Variants in PPP3R1 observed in about 807,000 individuals in gnomAD.
PPP3R1 encodes the protein calcineurin subunit B type 1.
PPP3R1 carries 5 observed loss-of-function variants against 22.6 expected under a neutral mutation model. The observed-to-expected ratio is 0.22, with a 90% confidence interval of 0.12 to 0.46. The LOEUF (loss-of-function observed/expected upper bound fraction) is 0.46. Among genes scored for constraint, PPP3R1 ranks in the 20% least tolerant of loss-of-function variants. The pLI is 0.99. For synonymous variants in PPP3R1, 56 were observed against 65.2 expected, an observed-to-expected ratio of 0.86 and a Z score of 0.68; for missense variants, 61 against 203.2, an observed-to-expected ratio of 0.30 and a Z score of 4.25.
chr2:68,251,868 C>T (rs1670366479), intron 1 of PPP3R1, among the ~76,000 whole-genome samples: 2 of 109,760 alleles, frequency 1.8e-5, no homozygotes, highest in South Asian at 3.1e-4. Flanking sequence ...GGGGCGACGG[C>T]GGGGCGGCGG....
chr2:68,247,371 T>C (rs1438238701), intron 1 of PPP3R1, among the ~76,000 whole-genome samples: 2 of 152,244 alleles, frequency 1.3e-5, no homozygotes, highest in African/African-American at 2.4e-5. Context: ...TCCCAAATGA[T>C]ACTGATGCTG....
chr2:68,198,345 G>GTATACA, intron 2 of PPP3R1, among the ~76,000 whole-genome samples: 1 of 56,758 alleles, frequency 1.8e-5, no homozygotes, highest in Non-Finnish European at 3.3e-5. Context: ...ATATGTACAT[G>GTATACA]TATATGCATA....
At chr2:68,196,524 G>T (rs1674777276) in intron 2 of PPP3R1, among the ~76,000 whole-genome samples, 1 of 152,118 alleles carries the variant, frequency 6.6e-6, no homozygotes. Context: ...ATACATGTAT[G>T]TGTTGTACCT....
rs201152385 is a variant in PPP3R1 at position 68,229,973 on chromosome 2, TACACACACACACACAC to T, written c.4-12858_4-12843del. 9.1e-3 allele frequency among the ~76,000 whole-genome samples: 1,300 copies of T among 143,248 alleles called. 14 individuals are homozygous for T. Among genetic ancestry groups the T allele is most frequent in the African/African-American group, 0.026 (982 of 38,008 alleles). The allele number at this position is 143,248 out of a possible 152,430, so 94.0% of individuals were successfully genotyped here. A position where few individuals can be genotyped will look rare whatever the true frequency, so the allele number is the denominator to read the frequency against. ...ATGTGTGTGTGTATATATACACACA[TACACACACACACACAC>T]ACACACACACACACACACACACATA... On this transcript the variant is annotated intron_variant, in intron 1 of 5. Transcript: ENST00000234310.
At chr2:68,251,545 G>A (rs919207530) in intron 1 of PPP3R1, among the ~76,000 whole-genome samples, 2 of 152,232 alleles carry the variant, frequency 1.3e-5, no homozygotes, top group Admixed American at 6.5e-5. Flanking sequence ...GCGCACCGCA[G>A]CTAAACCGAC....
chr2:68,246,710 C>T (rs1670243510), intron 1 of PPP3R1, among the ~76,000 whole-genome samples: 2 of 152,300 alleles, frequency 1.3e-5, no homozygotes, highest in East Asian at 3.9e-4. Context: ...ACTTCACAGG[C>T]TCCTCATCCT....
chr2:68,216,977 C>A, intron 2 of PPP3R1, 115 bp downstream of exon 2: 1 of 734,852 alleles, frequency 1.4e-6, no homozygotes, highest in East Asian at 2.9e-5. Context: ...CACATTGCTA[C>A]AAAGGTAAGT....
intron 2 of PPP3R1, among the ~76,000 whole-genome samples, chr2:68,208,963 AG>A (rs1669394858): frequency 1.3e-5 from 2 of 151,696 alleles, no homozygotes; most frequent in African/African-American, 4.8e-5. Context: ...CATTAAAAAA[AG>A]TCTGGGAGGA....
At chr2:68,198,952 T>C (rs181219310) in intron 2 of PPP3R1, among the ~76,000 whole-genome samples, 1 of 152,146 alleles carries the variant, frequency 6.6e-6, no homozygotes, top group East Asian at 1.9e-4. Flanking sequence ...TACTTGTCCA[T>C]TTCATCTTTA....
rs1558648147 is a variant in PPP3R1, at chr2:68,252,327, G to C, written c.-200C>G. 2.0e-6 allele frequency: 2 copies of C among 1,018,084 alleles called. No individual in the cohort carries two copies. Among genetic ancestry groups the C allele is most frequent in the Non-Finnish European group, 2.3e-6 (2 of 852,568 alleles). 63.1% of individuals were successfully genotyped at this position (1,018,084 alleles called of 1,614,324 possible). On this transcript the variant is annotated 5_prime_UTR_variant, in exon 1 of 6. Transcript: ENST00000234310. The stretch of plus-strand genomic sequence containing the variant: ...TTGGGCACGCGAGGGAGCGGGCAGG[G>C]TAGGGGGAAATAAATTAAGGTCGAG...
chr2:68,234,524 C>T (rs1572974972), intron 1 of PPP3R1, among the ~76,000 whole-genome samples: 1 of 152,168 alleles, frequency 6.6e-6, no homozygotes, highest in African/African-American at 2.4e-5. Flanking sequence ...TTCTTCTCAT[C>T]TTAGAACACT....
intron 1 of PPP3R1, among the ~76,000 whole-genome samples, chr2:68,240,559 TAA>T (rs1265160026): frequency 5.9e-5 from 9 of 152,186 alleles, no homozygotes; most frequent in Admixed American, 5.9e-4. Context: ...TTAAAGGTAC[TAA>T]AAGAGTGTAA....
intron 1 of PPP3R1, among the ~76,000 whole-genome samples, chr2:68,243,194 C>T (rs1670166495): frequency 6.6e-6 from 1 of 152,138 alleles, no homozygotes; most frequent in South Asian, 2.1e-4. Flanking sequence ...TGCTAAATTT[C>T]AAAAGATTTC....
intron 1 of PPP3R1, among the ~76,000 whole-genome samples, chr2:68,227,826 G>T (rs1393071325): frequency 6.6e-6 from 1 of 151,910 alleles, no homozygotes. Context: ...CTTGTATTGT[G>T]CACAATTTCG....
intron 2 of PPP3R1, among the ~76,000 whole-genome samples, chr2:68,194,275 G>A (rs1572954457): frequency 6.6e-6 from 1 of 152,212 alleles, no homozygotes; most frequent in East Asian, 1.9e-4. Context: ...ACAGACTGTT[G>A]AGACTTAACC....
At chr2:68,251,754 G>C (rs1311176873) in intron 1 of PPP3R1, among the ~76,000 whole-genome samples, 1 of 151,888 alleles carries the variant, frequency 6.6e-6, no homozygotes, top group Non-Finnish European at 1.5e-5. Flanking sequence ...GAGGGGAGGG[G>C]GGTGCTCCAC....
At chr2:68,197,566 A>G (rs558195945) in intron 2 of PPP3R1, among the ~76,000 whole-genome samples, 1 of 151,972 alleles carries the variant, frequency 6.6e-6, no homozygotes, top group South Asian at 2.1e-4. Flanking sequence ...GTACCATTTT[A>G]CTCTCCCATC....
In PPP3R1 at chr2:68,180,866, C is replaced by G; in HGVS notation, c.*97G>C. 2.4e-6 allele frequency: 3 copies of G among 1,249,970 alleles called. No individual in the cohort carries two copies. The South Asian group carries it at 4.0e-5, about 17-fold the overall frequency. 77.4% of individuals were successfully genotyped at this position (1,249,970 alleles called of 1,614,324 possible). A position where few individuals can be genotyped will look rare whatever the true frequency, so the allele number is the denominator to read the frequency against. ...TGTGGCTTCACAGAGAAAAATACTT[C>G]CATTTAAATACACAGAGAGCATTGC... On this transcript the variant is annotated 3_prime_UTR_variant, in exon 6 of 6. Coordinates refer to ENST00000234310, the MANE Select transcript of PPP3R1 (RefSeq NM_000945.4).
chr2:68,217,636 A>G (rs1264161031), intron 1 of PPP3R1, among the ~76,000 whole-genome samples: 1 of 152,128 alleles, frequency 6.6e-6, no homozygotes, highest in Non-Finnish European at 1.5e-5. Flanking sequence ...CTGAGCAACT[A>G]AAATAAGAAA....
Sources: gnomAD v4.1 joint callset for allele counts (sites outside exome capture counted in the v4.1 genomes callset) on GRCh38, gnomAD v4.1.1 for gene constraint, MANE v1.5 for transcripts, NCBI Gene and HGNC (gene_info 2026-07-23, HGNC 2026-07-21) for gene names.